CCNO: variants seen among roughly 807,000 people sequenced by gnomAD.
CCNO encodes cyclin-O.
A neutral mutation model predicts 23.9 loss-of-function variants in CCNO; 24 were observed. The ratio of observed to expected loss-of-function variants is 1.00; its 90% CI spans 0.73 to 1.41. CCNO has a LOEUF of 1.41. Ranked by LOEUF, CCNO falls within the 40% of genes most tolerant of loss-of-function variation. The pLI is 0.00. For missense variants in CCNO, 542 were observed against 476.2 expected (o/e 1.14, Z -1.29); for synonymous variants, 241 against 225.7 (o/e 1.07, Z -0.61).
Position 55,232,500 on chromosome 5 carries a change from AC to A in CCNO, c.427del (p.Val143CysfsTer14). 1 of 1,613,694 alleles carries A rather than the reference AC, an allele frequency of 6.2e-7. No homozygotes were observed. The highest frequency in any genetic ancestry group is 8.5e-7 in the Non-Finnish European group (1 of 1,180,030). The stretch of plus-strand genomic sequence containing the variant: ...GAAGGAGAGGCCGAATTGGCGGTGC[AC>A]CGGGATCAGCCAGCTGAGCAGCTTA... ...RCKLLSWLIP[V>X]HRQFGLSFES... On this transcript the variant is annotated frameshift_variant, in exon 2 of 3. Transcript: ENST00000282572. LOFTEE classifies it high-confidence loss of function.
rs753791521 is a variant in CCNO at position 55,231,583 on chromosome 5, A to G, written c.845T>C (p.Leu282Pro). Reference sequence around the variant, plus strand: ...CAGCGCCAGGCAGCAGATCGCCAGGAGGGAAGGGGAGTAGCTGGTGAAGGC... The same window carrying G: ...CAGCGCCAGGCAGCAGATCGCCAGGGGGGAAGGGGAGTAGCTGGTGAAGGC... ...DYAFTSYSPSLLAICCLALAD... is the reference protein window; with the variant it reads ...DYAFTSYSPSPLAICCLALAD... The change falls in exon 3 of 3, where the codon CTC (leucine) becomes CCC (proline). Residue 282 changes from leucine (L) to proline (P), a missense_variant. By Grantham distance (98) the Leu-to-Pro change is moderately conservative. Transcript: ENST00000282572. 17 of 1,613,274 alleles carry G rather than the reference A, an allele frequency of 1.1e-5. No individual in the cohort carries two copies. In the African/African-American group the frequency reaches 2.3e-4, roughly 22 times the overall value.
At position 55,233,170 on chromosome 5, in the gene CCNO, C is replaced by T. The variant is rs368155527; in HGVS notation, c.354G>A (p.Pro118=). 348 of 1,546,854 alleles carry T rather than the reference C, an allele frequency of 2.2e-4. No individual in the cohort carries two copies. In the African/African-American group the frequency reaches 4.3e-3, roughly 19 times the overall value. The change falls in exon 1 of 3, where the codon CCG becomes CCA. Residue 118 remains proline (P), a synonymous_variant. Coordinates refer to ENST00000282572, the MANE Select transcript of CCNO (RefSeq NM_021147.5). ...GTGGCTGCCGTGCCAGCGCCTCCCG[C>T]GGGTGGAAGTGGCTCTCCTGCGCCT... ...FRKAQESHFH[P]REALARQPQV...
chr5:55,232,901 T>C, intron 1 of CCNO: 6 of 594,714 alleles, frequency 1.0e-5, no homozygotes, highest in African/African-American at 1.9e-5. Flanking sequence ...CGAATTCCTC[T>C]CTACCGTGCC....
At position 55,231,301 on chromosome 5, in the gene CCNO, T is replaced by G; in HGVS notation, c.*74A>C. On this transcript the variant is annotated 3_prime_UTR_variant, in exon 3 of 3. Transcript: ENST00000282572. ...TCCTGAAGCCTTCTCTGTGGACCAG[T>G]ACTGCACTCTTCTGAGGCTACGGGA... 1 of 1,562,514 alleles carries G rather than the reference T, an allele frequency of 6.4e-7. No homozygotes were observed. Among genetic ancestry groups the G allele is most frequent in the Non-Finnish European group, 8.7e-7 (1 of 1,144,648 alleles).
Position 55,233,374 on chromosome 5 carries a change from C to G in CCNO, c.150G>C (p.Pro50=). The part of the protein sequence containing the change: ...KQPLHPLNPC[P]LPGDSGICDL... Reference sequence around the variant, plus strand: ...CGCAAATGCCGGAGTCTCCCGGGAGCGGGCACGGGTTCAGGGGATGCAGCG... The same window carrying G: ...CGCAAATGCCGGAGTCTCCCGGGAGGGGGCACGGGTTCAGGGGATGCAGCG... Residue 50 remains proline, a synonymous_variant, in exon 1 of 3, where the codon CCG becomes CCC. Coordinates refer to ENST00000282572, the MANE Select transcript of CCNO (RefSeq NM_021147.5). 6.2e-7 allele frequency: 1 copy of G among 1,610,378 alleles called. No homozygotes were observed.
rs750185563 is a variant in CCNO at position 55,232,348 on chromosome 5, A to G, written c.567+13T>C. 1.8e-5 allele frequency: 29 copies of G among 1,611,870 alleles called. 1 individual carries two copies. In the South Asian group the frequency reaches 3.0e-4, roughly 16 times the overall value. Reference sequence around the variant, plus strand: ...CCCAGATGCCGCGTGTACCTGTTTGATACCCCAGGTACCTGTTTGCAAGCG... The same window carrying G: ...CCCAGATGCCGCGTGTACCTGTTTGGTACCCCAGGTACCTGTTTGCAAGCG... On this transcript the variant is annotated intron_variant, in intron 2 of 2. Coordinates refer to ENST00000282572, the MANE Select transcript of CCNO (RefSeq NM_021147.5).
At position 55,233,492 on chromosome 5, in the gene CCNO, C is replaced by G; in HGVS notation, c.32G>C (p.Ser11Thr). The part of the protein sequence containing the change: MVTPCPTSPS[S>T]PAARAGRRDN... ...CCGCCTCCCCGCTCGGGCGGCGGGGCTCGAGGGGCTGGTGGGACAGGGGGT... is the reference window on the plus strand; with the variant it reads ...CCGCCTCCCCGCTCGGGCGGCGGGGGTCGAGGGGCTGGTGGGACAGGGGGT... Residue 11 changes from serine (S) to threonine (T), a missense_variant, in exon 1 of 3, where the codon AGC becomes ACC. Ser to Thr is a moderately conservative substitution (Grantham distance 58). Transcript: ENST00000282572. 1 of 1,596,538 alleles carries G rather than the reference C, an allele frequency of 6.3e-7. No individual in the cohort carries two copies. The highest frequency in any genetic ancestry group is 8.5e-7 in the Non-Finnish European group (1 of 1,171,744).
chr5:55,232,409 G>C lies in CCNO; in HGVS notation c.519C>G (p.Asp173Glu), dbSNP rs1454235214. 4 of 1,613,900 alleles carry C rather than the reference G, an allele frequency of 2.5e-6. No individual in the cohort carries two copies. Among genetic ancestry groups the C allele is most frequent in the Non-Finnish European group, 3.4e-6 (4 of 1,180,044 alleles). Reference sequence around the variant, plus strand: ...AGGTGACCCCAAGCAGCTGGAAGCAGTCTGCAGCCACCGGCGTGGTGGTGA... The same window carrying C: ...AGGTGACCCCAAGCAGCTGGAAGCACTCTGCAGCCACCGGCGTGGTGGTGA... ...RFLTTTPVAADCFQLLGVTSL... is the reference protein window; with the variant it reads ...RFLTTTPVAAECFQLLGVTSL... The change falls in exon 2 of 3, where the codon GAC becomes GAG. Residue 173 changes from aspartate to glutamate, a missense_variant. Asp to Glu is a conservative substitution (Grantham distance 45). Coordinates refer to ENST00000282572, the MANE Select transcript of CCNO (RefSeq NM_021147.5).
At chr5:55,232,903 T>C in intron 1 of CCNO, 3 of 594,930 alleles carry the variant, frequency 5.0e-6, no homozygotes. Flanking sequence ...AATTCCTCTC[T>C]ACCGTGCCCC....
chr5:55,232,279 G>C, intron 2 of CCNO, 82 bp downstream of exon 2: 5 of 1,324,868 alleles, frequency 3.8e-6, no homozygotes, highest in Non-Finnish European at 5.4e-6. Context: ...GTGCGCGCTG[G>C]AAAGACGGGC....
At position 55,233,380 on chromosome 5, in the gene CCNO, CG is replaced by C; in HGVS notation, c.143del (p.Pro48ArgfsTer46). 1 of 1,610,588 alleles carries C rather than the reference CG, an allele frequency of 6.2e-7. No homozygotes were observed. The highest frequency in any genetic ancestry group is 1.3e-5 in the African/African-American group (1 of 75,002). On this transcript the variant is annotated frameshift_variant, in exon 1 of 3. Coordinates refer to ENST00000282572, the MANE Select transcript of CCNO (RefSeq NM_021147.5). LOFTEE classifies it high-confidence loss of function. ...TGCCGGAGTCTCCCGGGAGCGGGCA[CG>C]GGTTCAGGGGATGCAGCGGCTGCTT... Reference protein sequence around the residue: ...RRKQPLHPLNPCPLPGDSGIC... With the variant: ...RRKQPLHPLNXCPLPGDSGIC...
In CCNO at chr5:55,233,463, T is replaced by C. The variant is rs1745664679; in HGVS notation, c.61A>G (p.Asn21Asp). 6.2e-7 allele frequency: 1 copy of C among 1,602,248 alleles called. No individual in the cohort carries two copies. The highest frequency in any genetic ancestry group is 1.1e-5 in the South Asian group (1 of 89,618). Reference protein sequence around the residue: ...SPAARAGRRDNDQNLRAPVKK... With the variant: ...SPAARAGRRDDDQNLRAPVKK... ...ACCGGGGCGCGAAGGTTCTGGTCGTTGTCCCGCCTCCCCGCTCGGGCGGCG... is the reference window on the plus strand; with the variant it reads ...ACCGGGGCGCGAAGGTTCTGGTCGTCGTCCCGCCTCCCCGCTCGGGCGGCG... The change falls in exon 1 of 3, where the codon AAC becomes GAC. Residue 21 changes from asparagine (N) to aspartate (D), a missense_variant. Asn to Asp is a conservative substitution (Grantham distance 23). Transcript: ENST00000282572.
Position 55,231,251 on chromosome 5 carries a change from T to TACA in CCNO, c.*121_*123dup. 1 of 1,076,952 alleles carries TACA rather than the reference T, an allele frequency of 9.3e-7. No homozygotes were observed. Among genetic ancestry groups the TACA allele is most frequent in the Non-Finnish European group, 1.4e-6 (1 of 733,356 alleles). The allele number at this position is 1,076,952 out of a possible 1,614,324, so 66.7% of individuals were successfully genotyped here. On this transcript the variant is annotated 3_prime_UTR_variant, in exon 3 of 3. Transcript: ENST00000282572. ...CCAGATGCTAGTATCGTACACTATT[T>TACA]ACAACCTGCAGCTGACCAAGCAGGT...
At position 55,233,524 on chromosome 5, in the gene CCNO, G is replaced by A; in HGVS notation, c.-1C>T. 1.9e-6 allele frequency: 3 copies of A among 1,550,934 alleles called. 1 individual carries two copies. The highest frequency in any genetic ancestry group is 2.6e-6 in the Non-Finnish European group (3 of 1,151,784). ...GGCTGGTGGGACAGGGGGTCACCAT[G>A]ATGCGGCCGGGTGGCCGCTTTACTA... On this transcript the variant is annotated 5_prime_UTR_variant, in exon 1 of 3. Coordinates refer to ENST00000282572, the MANE Select transcript of CCNO (RefSeq NM_021147.5).
Position 55,232,569 on chromosome 5 carries a change from C to T in CCNO, c.382-23G>A, listed in dbSNP as rs200976457. ...CACCTGCCGGGAAGGAGGGGGGAGG[C>T]GGGCCCGCTGGGCTTAGGGTGGAGA... On this transcript the variant is annotated intron_variant, in intron 1 of 2. Transcript: ENST00000282572. 77 of 1,612,006 alleles carry T rather than the reference C, an allele frequency of 4.8e-5. No individual in the cohort carries two copies. In the East Asian group the frequency reaches 1.0e-3, roughly 21 times the overall value.
At chr5:55,232,001 T>G (rs1745597242) in intron 2 of CCNO, 141 bp from the exon 3 acceptor site, 2 of 974,928 alleles carry the variant, frequency 2.1e-6, no homozygotes, top group Non-Finnish European at 2.9e-6. Context: ...GTAAGTGACC[T>G]AGAGCGTACT....
In CCNO at chr5:55,231,846, C is replaced by T. The variant is rs770021252; in HGVS notation, c.582G>A (p.Pro194=). 5 of 1,541,126 alleles carry T rather than the reference C, an allele frequency of 3.2e-6. No homozygotes were observed. The highest frequency in any genetic ancestry group is 4.4e-6 in the Non-Finnish European group (5 of 1,142,146). Residue 194 remains proline (P), a synonymous_variant, in exon 3 of 3, where the codon CCG becomes CCA. Coordinates refer to ENST00000282572, the MANE Select transcript of CCNO (RefSeq NM_021147.5). ...GGGCCAGAAGCTGCTTCACGCGCGG[C>T]GGGTGCACCTCCACCTGCAACACAG... ...LIACKQVEVH[P]PRVKQLLALC... is the part of the protein sequence containing the mutation.
In CCNO at chr5:55,231,855, C is replaced by T; in HGVS notation, c.573G>A (p.Glu191=). ...TSLLIACKQV[E]VHPPRVKQLL... is the part of the protein sequence containing the mutation. ...GCTGCTTCACGCGCGGCGGGTGCAC[C>T]TCCACCTGCAACACAGGGCGCACTC... The change falls in exon 3 of 3, where the codon GAG becomes GAA. Residue 191 remains glutamate, a synonymous_variant. Coordinates refer to ENST00000282572, the MANE Select transcript of CCNO (RefSeq NM_021147.5). The T allele has an allele frequency of 1.3e-6, 2 of 1,538,102 alleles. No homozygotes were observed. The highest frequency in any genetic ancestry group is 8.8e-7 in the Non-Finnish European group (1 of 1,141,366).
chr5:55,231,613 T>A lies in CCNO; in HGVS notation c.815A>T (p.Asp272Val). Residue 272 changes from aspartate (D) to valine (V), a missense_variant, in exon 3 of 3, where the codon GAC (aspartate) becomes GTC (valine). Coordinates refer to ENST00000282572, the MANE Select transcript of CCNO (RefSeq NM_021147.5). ...ARGVAELSLA[D>V]YAFTSYSPSL... ...AGGGGAGTAGCTGGTGAAGGCATAGTCGGCCAGACTCAGCTCTGCCACCCC... is the reference window on the plus strand; with the variant it reads ...AGGGGAGTAGCTGGTGAAGGCATAGACGGCCAGACTCAGCTCTGCCACCCC... 1 of 1,611,400 alleles carries A rather than the reference T, an allele frequency of 6.2e-7. No homozygotes were observed. Among genetic ancestry groups the A allele is most frequent in the Non-Finnish European group, 8.5e-7 (1 of 1,179,214 alleles).
Sources: gnomAD v4.1 joint callset for allele counts on GRCh38, gnomAD v4.1.1 for gene constraint, MANE v1.5 for transcripts, NCBI Gene and HGNC (gene_info 2026-07-23, HGNC 2026-07-21) for gene names.